The following ZBTB46 variants were observed in gnomAD, a reference collection of about 807,000 sequenced individuals.
The protein encoded by ZBTB46 is zinc finger and BTB domain-containing protein 46.
A neutral mutation model predicts 44.1 loss-of-function variants in ZBTB46; 8 were observed. The observed-to-expected ratio is 0.18, with a 90% CI of 0.11 to 0.33. ZBTB46 has a LOEUF of 0.33. Among genes scored for constraint, ZBTB46 ranks in the 10% least tolerant of loss-of-function variants. The pLI is 1.00. For synonymous variants in ZBTB46, 409 were observed against 382.3 expected, an observed-to-expected ratio of 1.07 and a Z score of -0.81; for missense variants, 651 against 847.7, an observed-to-expected ratio of 0.77 and a Z score of 2.88.
At chr20:63,796,275 C>A (rs1382280209) in intron 1 of ZBTB46, among the ~76,000 whole-genome samples, 2 of 152,238 alleles carry the variant, frequency 1.3e-5, no homozygotes, top group Non-Finnish European at 2.9e-5. Flanking sequence ...ACGCCCGATC[C>A]GCGTAGGGCA....
At chr20:63,775,612 G>A (rs2145864406) in intron 3 of ZBTB46, 66 bp downstream of exon 3, 13 of 1,503,886 alleles carry the variant, frequency 8.6e-6, no homozygotes, top group East Asian at 2.3e-5. Flanking sequence ...ATCTTGGCCC[G>A]GGACCTGCAA....
chr20:63,833,766 G>T (rs1029669653), upstream of ZBTB46, among the ~76,000 whole-genome samples: 2 of 152,188 alleles, frequency 1.3e-5, no homozygotes, highest in African/African-American at 2.4e-5. Flanking sequence ...AGGTCAAGCA[G>T]CCTGGAGACG....
At position 63,747,151 on chromosome 20, in the gene ZBTB46, C is replaced by T. The variant is rs202051760; in HGVS notation, c.1549G>A (p.Gly517Ser). 138 of 1,609,988 alleles carry T rather than the reference C, an allele frequency of 8.6e-5. No homozygotes were observed. The East Asian group carries it at 8.9e-4, about 10-fold the overall frequency. Residue 517 changes from glycine to serine, a missense_variant, in exon 5 of 5, where the codon GGC (glycine) becomes AGC (serine). This residue lies in a region of ZBTB46 where 75 missense variants were observed against 107.8 expected (regional missense o/e 0.70). Transcript: ENST00000245663. ...TCTGGAGAGCCCTCGCCGCCTCCGCCGCCATGGTCCAGGGGCCCGGCCATG... is the reference window on the plus strand; with the variant it reads ...TCTGGAGAGCCCTCGCCGCCTCCGCTGCCATGGTCCAGGGGCCCGGCCATG... Reference protein sequence around the residue: ...RGMAGPLDHGGGGGEGSPEAL... With the variant: ...RGMAGPLDHGSGGGEGSPEAL...
At chr20:63,770,031 G>T (rs954470057) in intron 3 of ZBTB46, among the ~76,000 whole-genome samples, 1 of 152,208 alleles carries the variant, frequency 6.6e-6, no homozygotes, top group Admixed American at 6.5e-5. Context: ...GCACCGCACC[G>T]CCATGGCTGT....
chr20:63,792,581 A>C (rs889947160), intron 1 of ZBTB46, among the ~76,000 whole-genome samples: 11 of 150,034 alleles, frequency 7.3e-5, no homozygotes, highest in Non-Finnish European at 7.4e-5. Flanking sequence ...CAGTGGTTTG[A>C]TCTCCGCTCA....
intron 3 of ZBTB46, among the ~76,000 whole-genome samples, chr20:63,770,961 GC>G: frequency 7.7e-6 from 1 of 129,978 alleles, no homozygotes; most frequent in South Asian, 2.5e-4. Context: ...CACCGGCCAC[GC>G]CCGGCACAGC....
At position 63,745,881 on chromosome 20, in the gene ZBTB46, T is replaced by G. The variant is rs1047305682; in HGVS notation, c.*1049A>C. On this transcript the variant is annotated 3_prime_UTR_variant, in exon 5 of 5. Transcript: ENST00000245663. ...ACAGCAAGAGGACTTGAGCACAAGC[T>G]AAAGGAAAAACAACCCTATATAGTT... 2.0e-5 allele frequency: 3 copies of G among 152,596 alleles called. No homozygotes were observed. The highest frequency in any genetic ancestry group is 3.8e-4 in the East Asian group (2 of 5,332). The allele number at this position is 152,596 out of a possible 1,614,324, so 9.5% of individuals were successfully genotyped here.
rs535430344 is a variant in ZBTB46, at chr20:63,803,972, G to A, written c.-33-13182C>T. 6.5e-4 allele frequency among the ~76,000 whole-genome samples: 99 copies of A among 152,318 alleles called. 2 individuals carry two copies. Among genetic ancestry groups the A allele is most frequent in the African/African-American group, 2.3e-3 (94 of 41,576 alleles). ...CCCTGGCTTCTCAAAGCGCTGGGAT[G>A]ATAGGCGTGAGCCACTGCACCGACA... On this transcript the variant is annotated intron_variant, in intron 1 of 4. Coordinates refer to ENST00000245663, the MANE Select transcript of ZBTB46 (RefSeq NM_001369741.1). This position sits in a 1 kb window ranked among gnomAD's most constrained non-coding sequence, Gnocchi z 4.0.
intron 3 of ZBTB46, among the ~76,000 whole-genome samples, chr20:63,768,918 C>A (rs2092343638): frequency 6.6e-6 from 1 of 152,122 alleles, no homozygotes. Flanking sequence ...CAACCCACTG[C>A]AACATGAATT....
Position 63,764,037 on chromosome 20 carries a change from C to T in ZBTB46, c.1223-11176G>A, listed in dbSNP as rs143237993. On this transcript the variant is annotated intron_variant, in intron 3 of 4. Coordinates refer to ENST00000245663, the MANE Select transcript of ZBTB46 (RefSeq NM_001369741.1). ...AGGCTGGAGTGCAGCAGTGCAGCCA[C>T]AACTCACACCAGCCTCGACCTCCTG... 1.9e-3 allele frequency among the ~76,000 whole-genome samples: 293 copies of T among 152,066 alleles called. 1 individual carries two copies. The highest frequency in any genetic ancestry group is 6.5e-3 in the African/African-American group (269 of 41,490).
chr20:63,791,552 T>C (rs2092561355), intron 1 of ZBTB46, among the ~76,000 whole-genome samples: 1 of 149,266 alleles, frequency 6.7e-6, no homozygotes, highest in African/African-American at 2.5e-5. Flanking sequence ...AATAAGGAAT[T>C]AAAGCATTCA....
At chr20:63,773,869 G>A (rs1476772150) in intron 3 of ZBTB46, among the ~76,000 whole-genome samples, 2 of 152,224 alleles carry the variant, frequency 1.3e-5, no homozygotes, top group African/African-American at 4.8e-5. Flanking sequence ...CTCCTGGAAA[G>A]GCCCCAGTAC....
intron 1 of ZBTB46, among the ~76,000 whole-genome samples, chr20:63,795,190 C>G (rs2092592073): frequency 1.3e-5 from 2 of 152,222 alleles, no homozygotes; most frequent in Admixed American, 6.5e-5. Flanking sequence ...TCACGAATCT[C>G]AAGATCCTTC....
chr20:63,772,171 T>C (rs1342434755), intron 3 of ZBTB46, among the ~76,000 whole-genome samples: 1 of 152,006 alleles, frequency 6.6e-6, no homozygotes, highest in Non-Finnish European at 1.5e-5. Context: ...ATTTTTTGTA[T>C]TTTTAGTAGA....
At chr20:63,770,118 C>T (rs1406076106) in intron 3 of ZBTB46, among the ~76,000 whole-genome samples, 5 of 152,238 alleles carry the variant, frequency 3.3e-5, no homozygotes, top group African/African-American at 9.7e-5. Flanking sequence ...CCCACATTTC[C>T]GGGCACGGCT....
chr20:63,758,842 C>T (rs1339889815), intron 3 of ZBTB46, among the ~76,000 whole-genome samples: 17 of 151,916 alleles, frequency 1.1e-4, no homozygotes, highest in Non-Finnish European at 2.4e-4. Context: ...CGCCATTCTC[C>T]TGCCTCAGCC....
intron 2 of ZBTB46, among the ~76,000 whole-genome samples, chr20:63,786,683 T>C (rs764839529): frequency 7.9e-5 from 12 of 152,092 alleles, no homozygotes. Flanking sequence ...AGCTAACTTT[T>C]GTATATTTAG....
intron 1 of ZBTB46, among the ~76,000 whole-genome samples, chr20:63,800,675 G>C (rs976937974): frequency 6.6e-6 from 1 of 152,234 alleles, no homozygotes; most frequent in Admixed American, 6.5e-5. Context: ...GGCAATGAGG[G>C]GCTTAGCACC....
At chr20:63,750,158 G>A (rs997946293) in intron 4 of ZBTB46, among the ~76,000 whole-genome samples, 5 of 152,330 alleles carry the variant, frequency 3.3e-5, no homozygotes, top group African/African-American at 1.2e-4. Context: ...TCTCACACTC[G>A]GGTCTCCACG....
Sources: allele counts gnomAD v4.1 joint callset (sites outside exome capture counted in the v4.1 genomes callset), GRCh38; gene constraint gnomAD v4.1.1; regional missense constraint gnomAD v4.1.1; non-coding constraint Gnocchi (gnomAD v3.1); transcripts MANE v1.5; gene names NCBI Gene and HGNC (gene_info 2026-07-23, HGNC 2026-07-21).